The following RPS6KA5 variants were observed in gnomAD, a reference collection of about 807,000 sequenced individuals.
RPS6KA5 encodes the protein ribosomal protein S6 kinase A5, also known as ribosomal protein S6 kinase alpha-5.
A neutral mutation model predicts 85.5 loss-of-function variants in RPS6KA5; 27 were observed. The observed-to-expected ratio is 0.32, with a 90% confidence interval of 0.23 to 0.44. The LOEUF (loss-of-function observed/expected upper bound fraction) is 0.44, where lower values mean the gene tolerates loss of function less well. RPS6KA5 is among the 20% of genes least tolerant of loss of function. RPS6KA5 has a pLI of 1.00. For missense variants in RPS6KA5, 811 were observed against 980.9 expected (o/e 0.83, Z 2.31); for synonymous variants, 334 against 348.2 (o/e 0.96, Z 0.46).
intron 9 of RPS6KA5, 120 bp from the exon 10 acceptor site, chr14:90,900,856 CTAATT>C: frequency 2.6e-6 from 2 of 769,186 alleles, no homozygotes; most frequent in South Asian, 4.4e-5. Context: ...TGAGATGAGT[CTAATT>C]TTATTTTATT....
chr14:90,867,417 A>G lies in RPS6KA5; in HGVS notation c.*4657T>C, dbSNP rs1215659382. The G allele has an allele frequency of 6.6e-6, 1 of 152,188 alleles. No homozygotes were observed. The highest frequency in any genetic ancestry group is 1.5e-5 in the Non-Finnish European group (1 of 68,014). The allele number at this position is 152,188 out of a possible 1,614,324, so 9.4% of individuals were successfully genotyped here. A position where few individuals can be genotyped will look rare whatever the true frequency, so the allele number is the denominator to read the frequency against. ...TATGCAATGAGAAACAATAATGGAA[A>G]CAGCATAATACTACATACTATCCCA... is the stretch of plus-strand genomic sequence containing the variant. On this transcript the variant is annotated 3_prime_UTR_variant, in exon 17 of 17. Transcript: ENST00000614987.
intron 2 of RPS6KA5, among the ~76,000 whole-genome samples, chr14:90,997,994 C>T (rs920723660): frequency 2.6e-5 from 3 of 114,996 alleles, no homozygotes; most frequent in East Asian, 2.6e-4. Context: ...GGTGGCACAG[C>T]GAGACTCTGT....
intron 1 of RPS6KA5, among the ~76,000 whole-genome samples, chr14:91,055,137 A>G (rs957804713): frequency 6.6e-6 from 1 of 152,212 alleles, no homozygotes; most frequent in African/African-American, 2.4e-5. Context: ...TAGGCTGTGA[A>G]GGAACTGGAG....
At chr14:91,040,814 G>A (rs2139886736) in intron 1 of RPS6KA5, among the ~76,000 whole-genome samples, 1 of 152,308 alleles carries the variant, frequency 6.6e-6, no homozygotes, top group Middle Eastern at 3.4e-3. Flanking sequence ...CAATATCCAA[G>A]CACTGAGTGC....
At chr14:90,984,349 C>A (rs2039969351) in intron 2 of RPS6KA5, among the ~76,000 whole-genome samples, 1 of 152,328 alleles carries the variant, frequency 6.6e-6, no homozygotes, top group African/African-American at 2.4e-5. Context: ...CCTACAGACA[C>A]CATTTTGAAT....
intron 3 of RPS6KA5, among the ~76,000 whole-genome samples, chr14:90,951,280 G>A (rs919212011): frequency 6.6e-6 from 1 of 151,922 alleles, no homozygotes; most frequent in Non-Finnish European, 1.5e-5. Flanking sequence ...TCAGGAGATC[G>A]AGACCATCCT....
intron 1 of RPS6KA5, among the ~76,000 whole-genome samples, chr14:91,057,519 T>C (rs1423011431): frequency 6.6e-6 from 1 of 152,158 alleles, no homozygotes; most frequent in Admixed American, 6.5e-5. Context: ...AAATGGACTA[T>C]TATAGTACCG....
Position 90,872,143 on chromosome 14 carries a change from C to A in RPS6KA5, c.2340G>T (p.Leu780=). 6.2e-7 allele frequency: 1 copy of A among 1,613,800 alleles called. No homozygotes were observed. Among genetic ancestry groups the A allele is most frequent in the Non-Finnish European group, 8.5e-7 (1 of 1,179,958 alleles). Reference sequence around the variant, plus strand: ...TGCTGTCGGCAGGATTGCTGGGCTGCAGTGTCTTGGTGGGTGTAGTTTTAC... The same window carrying A: ...TGCTGTCGGCAGGATTGCTGGGCTGAAGTGTCTTGGTGGGTGTAGTTTTAC... ...SHGKTTPTKT[L]QPSNPADSNN... is the part of the protein sequence containing the mutation. The change falls in exon 17 of 17, where the codon CTG becomes CTT. Residue 780 remains leucine (L), a synonymous_variant. Transcript: ENST00000614987.
chr14:91,006,961 C>G (rs1444179796), intron 1 of RPS6KA5, among the ~76,000 whole-genome samples: 1 of 152,170 alleles, frequency 6.6e-6, no homozygotes, highest in African/African-American at 2.4e-5. Flanking sequence ...CTCACTTAGG[C>G]CTTAAACCTA....
At chr14:91,012,291 A>AT (rs1294439036) in intron 1 of RPS6KA5, among the ~76,000 whole-genome samples, 7 of 152,128 alleles carry the variant, frequency 4.6e-5, no homozygotes, top group African/African-American at 1.7e-4. Flanking sequence ...CTAACCTCTA[A>AT]TTTTCAAGTT....
intron 3 of RPS6KA5, among the ~76,000 whole-genome samples, chr14:90,948,168 A>G (rs746120062): frequency 6.6e-6 from 1 of 152,264 alleles, no homozygotes; most frequent in Non-Finnish European, 1.5e-5. Context: ...GAAATAGGTG[A>G]CCAAAAGGCT....
chr14:90,895,413 T>G (rs1257991872), intron 12 of RPS6KA5, among the ~76,000 whole-genome samples: 1 of 152,218 alleles, frequency 6.6e-6, no homozygotes, highest in Non-Finnish European at 1.5e-5. Flanking sequence ...CTGTTAGGAC[T>G]CAACAGATTA....
chr14:91,060,299 C>G, intron 1 of RPS6KA5, 33 bp downstream of exon 1: 8 of 1,205,878 alleles, frequency 6.6e-6, no homozygotes, highest in Non-Finnish European at 8.3e-6. Context: ...GCCCCCGCGC[C>G]GGGCCCGGCC....
chr14:90,898,409 C>T (rs2034964681), intron 12 of RPS6KA5, among the ~76,000 whole-genome samples: 1 of 152,130 alleles, frequency 6.6e-6, no homozygotes, highest in African/African-American at 2.4e-5. Flanking sequence ...CAATAGCACT[C>T]GAGGATATTT....
chr14:91,016,866 CAAAAAA>C (rs34806962), intron 1 of RPS6KA5, among the ~76,000 whole-genome samples: 1 of 120,796 alleles, frequency 8.3e-6, no homozygotes, highest in Non-Finnish European at 1.8e-5. Context: ...TCTAAACAGG[CAAAAAA>C]AAAAAAAAAA....
At chr14:90,957,750 G>T (rs1320274775) in intron 3 of RPS6KA5, among the ~76,000 whole-genome samples, 1 of 152,090 alleles carries the variant, frequency 6.6e-6, no homozygotes, top group Non-Finnish European at 1.5e-5. Context: ...ACATACGACA[G>T]AGTTAAGCTT....
chr14:90,895,564 C>G (rs1328865089), intron 12 of RPS6KA5, among the ~76,000 whole-genome samples: 1 of 152,078 alleles, frequency 6.6e-6, no homozygotes, highest in Admixed American at 6.6e-5. Context: ...CACCCAGGCT[C>G]TTTTCTGTCA....
intron 2 of RPS6KA5, among the ~76,000 whole-genome samples, chr14:90,989,441 G>A (rs915038915): frequency 6.6e-5 from 10 of 151,874 alleles, no homozygotes; most frequent in African/African-American, 2.4e-4. Flanking sequence ...TTTCCTTTTT[G>A]TCATGGTAAG....
At chr14:91,058,925 C>T (rs1273225594) in intron 1 of RPS6KA5, among the ~76,000 whole-genome samples, 1 of 152,210 alleles carries the variant, frequency 6.6e-6, no homozygotes, top group African/African-American at 2.4e-5. Context: ...ATAACAAAAA[C>T]TGAAAGAACT....
Sources: allele counts gnomAD v4.1 joint callset (sites outside exome capture counted in the v4.1 genomes callset), GRCh38; gene constraint gnomAD v4.1.1; transcripts MANE v1.5; gene names NCBI Gene and HGNC (gene_info 2026-07-23, HGNC 2026-07-21).